Variants in MBD5 observed in about 807,000 individuals in gnomAD.
The protein encoded by MBD5 is methyl-CpG binding domain protein 5.
Under a neutral mutation model 117.3 loss-of-function variants are expected in MBD5, and 13 were observed. That is an observed-to-expected ratio of 0.11 (90% CI 0.07 to 0.18). The LOEUF (loss-of-function observed/expected upper bound fraction) is 0.18, where lower values mean the gene tolerates loss of function less well. Among genes scored for constraint, MBD5 ranks in the 10% least tolerant of loss-of-function variants. The pLI is 1.00. For synonymous variants in MBD5, 727 were observed against 766.4 expected, an observed-to-expected ratio of 0.95 and a Z score of 0.85; for missense variants, 1,879 against 2,093.8, an observed-to-expected ratio of 0.90 and a Z score of 2.00.
intron 1 of MBD5, among the ~76,000 whole-genome samples, chr2:148,106,834 T>A (rs1696384485): frequency 6.6e-6 from 1 of 151,988 alleles, no homozygotes; most frequent in South Asian, 2.1e-4. Context: ...TTTTTCCAAT[T>A]TATAGATTTC....
intron 3 of MBD5, among the ~76,000 whole-genome samples, chr2:148,339,653 G>A (rs1702886666): frequency 6.6e-6 from 1 of 151,958 alleles, no homozygotes; most frequent in Non-Finnish European, 1.5e-5. Flanking sequence ...ACCCCTAAGA[G>A]CAGGGACAAA....
intron 4 of MBD5, among the ~76,000 whole-genome samples, chr2:148,399,995 G>A (rs1331104639): frequency 6.6e-6 from 1 of 152,080 alleles, no homozygotes; most frequent in African/African-American, 2.4e-5. Context: ...TGCATCCCAG[G>A]GTTGAAGCCC....
At chr2:148,239,066 A>G (rs1019460034) in intron 3 of MBD5, among the ~76,000 whole-genome samples, 7 of 151,540 alleles carry the variant, frequency 4.6e-5, no homozygotes, top group African/African-American at 1.2e-4. Context: ...ATGTGTGTGT[A>G]TATATGTGTG....
chr2:148,398,639 A>C (rs1704814970), intron 4 of MBD5, among the ~76,000 whole-genome samples: 1 of 152,142 alleles, frequency 6.6e-6, no homozygotes, highest in African/African-American at 2.4e-5. Flanking sequence ...TTTGCTGTGC[A>C]CAAGCTCTTT....
At chr2:148,143,479 AT>A (rs562223838) in intron 1 of MBD5, among the ~76,000 whole-genome samples, 18 of 152,062 alleles carry the variant, frequency 1.2e-4, no homozygotes, top group South Asian at 4.2e-4. Flanking sequence ...AATGAAATCA[AT>A]TTTTTTTAAT....
chr2:148,212,248 C>T (rs1336564880), intron 2 of MBD5, among the ~76,000 whole-genome samples: 3 of 152,190 alleles, frequency 2.0e-5, no homozygotes, highest in Non-Finnish European at 4.4e-5. Context: ...TTTCCCTCAA[C>T]TCCTAGTCCT....
chr2:148,467,945 A>C (rs113292934), intron 7 of MBD5, among the ~76,000 whole-genome samples: 21 of 152,290 alleles, frequency 1.4e-4, no homozygotes, highest in African/African-American at 5.1e-4. Flanking sequence ...TAAAAATTCT[A>C]AATCCAACAA....
intron 1 of MBD5, among the ~76,000 whole-genome samples, chr2:148,092,167 T>A (rs1195529294): frequency 1.3e-5 from 2 of 152,124 alleles, no homozygotes; most frequent in African/African-American, 4.8e-5. Flanking sequence ...AAATAACAGA[T>A]GTTGGCATGG....
At chr2:148,435,885 A>G (rs2105364772) in intron 4 of MBD5, among the ~76,000 whole-genome samples, 1 of 152,300 alleles carries the variant, frequency 6.6e-6, no homozygotes, top group Non-Finnish European at 1.5e-5. Context: ...GTCTGTGTCC[A>G]AAAGGAAATG....
At chr2:148,240,367 G>A (rs1026453224) in intron 3 of MBD5, among the ~76,000 whole-genome samples, 6 of 151,672 alleles carry the variant, frequency 4.0e-5, no homozygotes, top group African/African-American at 1.5e-4. Context: ...GTATACATAT[G>A]TAACAAACCT....
At chr2:148,342,020 A>G (rs1314841623) in intron 3 of MBD5, among the ~76,000 whole-genome samples, 194 bp from the exon 4 acceptor site, 2 of 152,040 alleles carry the variant, frequency 1.3e-5, no homozygotes, top group Admixed American at 6.6e-5. Context: ...AAAGTATAGA[A>G]CATTTGCTTT....
intron 1 of MBD5, chr2:148,071,579 T>C (rs185233794): frequency 1.3e-5 from 2 of 152,316 alleles, no homozygotes; most frequent in Admixed American, 1.3e-4. Flanking sequence ...CTCAGTGCTT[T>C]ATGATATTGT....
At chr2:148,384,579 A>T (rs1195746532) in intron 4 of MBD5, among the ~76,000 whole-genome samples, 1 of 152,198 alleles carries the variant, frequency 6.6e-6, no homozygotes, top group Non-Finnish European at 1.5e-5. Context: ...TCAAGCTACC[A>T]ATGACTTTCT....
At chr2:148,117,404 C>A (rs1322692221) in intron 1 of MBD5, among the ~76,000 whole-genome samples, 2 of 151,666 alleles carry the variant, frequency 1.3e-5, no homozygotes, top group African/African-American at 2.4e-5. Flanking sequence ...ATTATGTTTT[C>A]TCTAACAATA....
At chr2:148,411,038 G>T (rs932335732) in intron 4 of MBD5, among the ~76,000 whole-genome samples, 5 of 152,114 alleles carry the variant, frequency 3.3e-5, no homozygotes, top group African/African-American at 1.2e-4. Context: ...GGGTCCTGGT[G>T]TCTGTTGTTC....
chr2:148,039,859 C>T (rs1001441047), intron 1 of MBD5, among the ~76,000 whole-genome samples: 1 of 151,996 alleles, frequency 6.6e-6, no homozygotes, highest in Non-Finnish European at 1.5e-5. Context: ...TTCAAAATAC[C>T]TGTTACTTAG....
intron 3 of MBD5, among the ~76,000 whole-genome samples, chr2:148,313,817 G>T (rs187629976): frequency 8.0e-4 from 122 of 152,284 alleles, no homozygotes; most frequent in African/African-American, 2.8e-3. Flanking sequence ...AAGACCATGG[G>T]AAAAGCAGAG....
chr2:148,447,980 G>A (rs1401694111), intron 4 of MBD5, among the ~76,000 whole-genome samples: 2 of 151,916 alleles, frequency 1.3e-5, no homozygotes, highest in Admixed American at 6.6e-5. Context: ...TGCCTCATTT[G>A]GTTATACTGA....
intron 4 of MBD5, among the ~76,000 whole-genome samples, chr2:148,366,525 C>G (rs1364645492): frequency 2.6e-5 from 4 of 152,054 alleles, no homozygotes; most frequent in Non-Finnish European, 5.9e-5. Flanking sequence ...TAAGAAAAGA[C>G]AAAGTCAACT....
Sources: allele counts gnomAD v4.1 joint callset (sites outside exome capture counted in the v4.1 genomes callset), GRCh38; gene constraint gnomAD v4.1.1; transcripts MANE v1.5; gene names NCBI Gene and HGNC (gene_info 2026-07-23, HGNC 2026-07-21).